The following ANK2 variants were observed in gnomAD, a reference collection of about 807,000 sequenced individuals.
ANK2 encodes ankyrin 2.
In ANK2, 83 loss-of-function variants were observed where a neutral mutation model predicts 360.5. The ratio of observed to expected loss-of-function variants is 0.23; its 90% CI spans 0.19 to 0.28. ANK2 has a LOEUF of 0.28. ANK2 is among the 10% of genes least tolerant of loss of function. The pLI is 1.00. For missense variants in ANK2, 4,201 were observed against 4,795.7 expected, an observed-to-expected ratio of 0.88 and a Z score of 3.66; for synonymous variants, 1,740 against 1,759.5, an observed-to-expected ratio of 0.99 and a Z score of 0.28.
At chr4:112,956,273 C>A (rs998992853) in intron 2 of ANK2, among the ~76,000 whole-genome samples, 1 of 152,214 alleles carries the variant, frequency 6.6e-6, no homozygotes, top group Non-Finnish European at 1.5e-5. Flanking sequence ...ACAACTAGCA[C>A]AAATTTCATT....
the ANK2 span, among the ~76,000 whole-genome samples, chr4:112,761,481 G>A: frequency 1.3e-5 from 2 of 152,138 alleles, no homozygotes; most frequent in African/African-American, 4.8e-5. Context: ...TTAGCTTGAT[G>A]TGGTGGCACG....
intron 1 of ANK2, among the ~76,000 whole-genome samples, chr4:113,120,345 G>A (rs1209707088): frequency 6.6e-6 from 1 of 152,044 alleles, no homozygotes; most frequent in Non-Finnish European, 1.5e-5. Context: ...TCCAGATTTT[G>A]CCAGTTTTTA....
In ANK2 at chr4:113,358,326, C is replaced by G. The variant is rs201300792; in HGVS notation, c.9708C>G (p.Leu3236=). 3.7e-6 allele frequency: 6 copies of G among 1,613,502 alleles called. No individual in the cohort carries two copies. In the East Asian group the frequency reaches 1.3e-4, roughly 36 times the overall value. ...TGCAAACGGGTGATATACCTCCTCT[C>G]TCTGGTGTAAAGCAGATATCCTGCC... ...PTVQTGDIPP[L]SGVKQISCPD... is the part of the protein sequence containing the mutation. The change falls in exon 38 of 46, where the codon CTC becomes CTG. Residue 3236 remains leucine, a synonymous_variant. Transcript: ENST00000357077.
intron 1 of ANK2, among the ~76,000 whole-genome samples, chr4:113,089,594 G>A (rs2086695490): frequency 6.6e-6 from 1 of 152,250 alleles, no homozygotes; most frequent in Non-Finnish European, 1.5e-5. Flanking sequence ...GGGAGGCTGA[G>A]GCGGGTGGAT....
intron 1 of ANK2, among the ~76,000 whole-genome samples, chr4:112,902,379 G>A (rs1275040035): frequency 6.6e-6 from 1 of 152,238 alleles, no homozygotes; most frequent in Non-Finnish European, 1.5e-5. Context: ...CCACATTGTT[G>A]TGTGAGATGT....
chr4:113,117,223 A>G (rs1055244277), intron 1 of ANK2: 12 of 448,286 alleles, frequency 2.7e-5, no homozygotes, highest in African/African-American at 1.8e-4. Context: ...GAGCTCTGAA[A>G]TCACCTGGAT....
At chr4:112,931,334 A>C (rs1175110364) in intron 2 of ANK2, among the ~76,000 whole-genome samples, 1 of 151,938 alleles carries the variant, frequency 6.6e-6, no homozygotes, top group Non-Finnish European at 1.5e-5. Flanking sequence ...CAAAGCATAA[A>C]TCTGTGGTTT....
intron 2 of ANK2, among the ~76,000 whole-genome samples, chr4:112,931,529 T>C (rs2093243947): frequency 6.8e-6 from 1 of 146,722 alleles, no homozygotes; most frequent in South Asian, 2.2e-4. Flanking sequence ...CTCTGCCTCC[T>C]GGGTTCAAGC....
intron 2 of ANK2, among the ~76,000 whole-genome samples, chr4:112,986,839 G>C (rs1027682508): frequency 3.9e-5 from 6 of 152,184 alleles, no homozygotes; most frequent in African/African-American, 1.4e-4. Flanking sequence ...ACTGTGCGAT[G>C]TTCCACCTTC....
At chr4:113,249,984 C>A (rs764699346) in intron 10 of ANK2, 122 bp downstream of exon 10, 14 of 892,556 alleles carry the variant, frequency 1.6e-5, no homozygotes, top group Non-Finnish European at 2.5e-5. Context: ...TAATTGTGTG[C>A]TAGGAATAGG....
chr4:113,051,754 T>A (rs1225575385), intron 1 of ANK2, among the ~76,000 whole-genome samples: 1 of 152,170 alleles, frequency 6.6e-6, no homozygotes, highest in Non-Finnish European at 1.5e-5. Context: ...TTGGAGCACA[T>A]CATTTAATTT....
chr4:112,966,465 G>A (rs58668059), intron 2 of ANK2, among the ~76,000 whole-genome samples: 9,944 of 151,866 alleles, frequency 0.065, 448 homozygotes, highest in African/African-American at 0.13. Flanking sequence ...AAGTGTGTGT[G>A]TGTGTATACA....
At chr4:113,185,650 T>A (rs1449214200) in intron 2 of ANK2, among the ~76,000 whole-genome samples, 1 of 152,190 alleles carries the variant, frequency 6.6e-6, no homozygotes, top group Admixed American at 6.5e-5. Flanking sequence ...ATTTCCCCAT[T>A]CTGTAGGTTG....
intron 1 of ANK2, among the ~76,000 whole-genome samples, chr4:113,162,781 G>T (rs1474706148): frequency 6.7e-6 from 1 of 150,024 alleles, no homozygotes; most frequent in Non-Finnish European, 1.5e-5. Flanking sequence ...ATCTTTGAGG[G>T]GATGAATCAT....
At chr4:112,979,221 G>T (rs1028127079) in intron 2 of ANK2, among the ~76,000 whole-genome samples, 3 of 152,182 alleles carry the variant, frequency 2.0e-5, no homozygotes, top group Non-Finnish European at 2.9e-5. Context: ...TGAGTGTGGG[G>T]TCCGACCACT....
At chr4:112,869,160 G>T (rs978282077) in intron 1 of ANK2, among the ~76,000 whole-genome samples, 2 of 152,122 alleles carry the variant, frequency 1.3e-5, no homozygotes, top group African/African-American at 4.8e-5. Flanking sequence ...TAGAGACAAG[G>T]TCTCACTGTG....
intron 1 of ANK2, among the ~76,000 whole-genome samples, chr4:112,883,790 GTAAA>G (rs1165899883): frequency 6.6e-6 from 1 of 151,092 alleles, no homozygotes; most frequent in Non-Finnish European, 1.5e-5. Context: ...GAATGAAATG[GTAAA>G]TAAATACACT....
chr4:112,946,582 C>G (rs980474841), intron 2 of ANK2, among the ~76,000 whole-genome samples: 1 of 152,164 alleles, frequency 6.6e-6, no homozygotes, highest in Admixed American at 6.5e-5. Flanking sequence ...TGTCCATGCA[C>G]TATTTCTAAC....
chr4:112,998,717 G>A (rs1045924543), intron 2 of ANK2, among the ~76,000 whole-genome samples: 13 of 152,156 alleles, frequency 8.5e-5, no homozygotes, highest in Non-Finnish European at 1.6e-4. Context: ...CATCTGCTGT[G>A]GGATTTCTGA....
Sources: allele counts gnomAD v4.1 joint callset (sites outside exome capture counted in the v4.1 genomes callset), GRCh38; gene constraint gnomAD v4.1.1; transcripts MANE v1.5; gene names NCBI Gene and HGNC (gene_info 2026-07-23, HGNC 2026-07-21).